Variants in CGGBP1 observed in about 807,000 individuals in gnomAD.
CGGBP1 encodes CGG triplet repeat binding protein 1.
Under a neutral mutation model 11.4 loss-of-function variants are expected in CGGBP1, and 4 were observed. The ratio of observed to expected loss-of-function variants is 0.35; its 90% CI spans 0.17 to 0.80. The LOEUF (loss-of-function observed/expected upper bound fraction) is 0.80, where lower values mean the gene tolerates loss of function less well. CGGBP1 is among the 30% of genes least tolerant of loss of function. CGGBP1 has a pLI of 0.52. For missense variants in CGGBP1, 135 were observed against 202.1 expected, an observed-to-expected ratio of 0.67 and a Z score of 2.01; for synonymous variants, 76 against 74.1, an observed-to-expected ratio of 1.03 and a Z score of -0.13.
At chr3:88,076,428 C>CT (rs1405677477) in intron 2 of CGGBP1, among the ~76,000 whole-genome samples, 1 of 151,928 alleles carries the variant, frequency 6.6e-6, no homozygotes, top group East Asian at 1.9e-4. Flanking sequence ...TCTCCTTTTT[C>CT]TTTTTTGATA....
At chr3:88,098,657 G>T (rs1321178961) in intron 2 of CGGBP1, among the ~76,000 whole-genome samples, 1 of 152,084 alleles carries the variant, frequency 6.6e-6, no homozygotes, top group Non-Finnish European at 1.5e-5. Flanking sequence ...TTCATCCCTG[G>T]GATGCAAGGC....
chr3:88,141,819 G>T, intron 1 of CGGBP1: 1 of 482,850 alleles, frequency 2.1e-6, no homozygotes, highest in Non-Finnish European at 3.6e-6. Context: ...TCACAGAGAT[G>T]TGCTGGCTTA....
chr3:88,107,097 CA>C lies in CGGBP1; in HGVS notation c.-229+33872del, dbSNP rs1704790346. On this transcript the variant is annotated intron_variant, in intron 2 of 3. Transcript: ENST00000462901. Reference sequence around the variant, plus strand: ...ATTTTGTAATGAAATTGTCTACCCCCAGAAAAACTTGAAGATACTTTTACTG... The same window carrying C: ...ATTTTGTAATGAAATTGTCTACCCCCGAAAAACTTGAAGATACTTTTACTG... Among the ~76,000 whole-genome samples, 4 of 152,296 alleles carry C rather than the reference CA, an allele frequency of 2.6e-5. No homozygotes were observed. In the South Asian group the frequency reaches 8.3e-4, roughly 32 times the overall value.
At chr3:88,079,490 C>T (rs1192719288) in intron 2 of CGGBP1, among the ~76,000 whole-genome samples, 4 of 151,966 alleles carry the variant, frequency 2.6e-5, no homozygotes, top group Admixed American at 2.0e-4. Context: ...ATGGATGTCA[C>T]ATCTATCTAT....
rs145193990 is a variant in CGGBP1 at position 88,137,349 on chromosome 3, T to A, written c.-229+3621A>T. Among the ~76,000 whole-genome samples the A allele has an allele frequency of 1.1e-3, 171 of 152,254 alleles. 1 individual carries two copies. The highest frequency in any genetic ancestry group is 7.5e-3 in the South Asian group (36 of 4,830). ...GACATTTAGAAATCAGTAGTTGGAA[T>A]TCAGAAAGGATTCCAAGTTGTAAAT... On this transcript the variant is annotated intron_variant, in intron 2 of 3. Transcript: ENST00000462901.
chr3:88,098,422 T>G (rs1450299015), intron 2 of CGGBP1, among the ~76,000 whole-genome samples: 6 of 152,204 alleles, frequency 3.9e-5, no homozygotes, highest in African/African-American at 1.4e-4. Context: ...GCTGGTATCA[T>G]TCGTTCTCAA....
intron 2 of CGGBP1, among the ~76,000 whole-genome samples, chr3:88,118,323 C>T (rs937454611): frequency 6.6e-6 from 1 of 151,886 alleles, no homozygotes; most frequent in African/African-American, 2.4e-5. Flanking sequence ...ATATCATGTC[C>T]CAAGCAGGAG....
At chr3:88,103,948 G>A (rs112624802) in intron 2 of CGGBP1, among the ~76,000 whole-genome samples, 1,998 of 151,742 alleles carry the variant, frequency 0.013, 37 homozygotes, top group African/African-American at 0.045. Context: ...TTTATTTTTA[G>A]ACGGGGTTTT....
At chr3:88,108,236 A>G (rs938564257) in intron 2 of CGGBP1, among the ~76,000 whole-genome samples, 3 of 152,104 alleles carry the variant, frequency 2.0e-5, no homozygotes, top group African/African-American at 7.2e-5. Context: ...CTTAGCTCCA[A>G]GTTCACACTG....
At chr3:88,140,121 T>C in intron 2 of CGGBP1, 1 of 1,613,902 alleles carries the variant, frequency 6.2e-7, no homozygotes, top group Non-Finnish European at 8.5e-7. Context: ...GTATTTTTGT[T>C]TGCATTTTAA....
chr3:88,069,505 G>T (rs1487338277), intron 2 of CGGBP1, among the ~76,000 whole-genome samples: 1 of 152,140 alleles, frequency 6.6e-6, no homozygotes, highest in African/African-American at 2.4e-5. Context: ...TAGTAACAAT[G>T]GCTCAGTTAT....
chr3:88,138,851 T>C lies in CGGBP1; in HGVS notation c.-229+2119A>G, dbSNP rs1224199463. 1.8e-5 allele frequency: 22 copies of C among 1,231,988 alleles called. 1 individual carries two copies. In the Admixed American group the frequency reaches 9.3e-4, roughly 52 times the overall value. 76.3% of individuals were successfully genotyped at this position (1,231,988 alleles called of 1,614,324 possible). ...ATGATTTGGAGATCCTCAGGATTTG[T>C]GCACTCTCAATATTTTTTCTGGAGC... On this transcript the variant is annotated intron_variant, in intron 2 of 3. Transcript: ENST00000462901.
intron 2 of CGGBP1, among the ~76,000 whole-genome samples, chr3:88,109,142 A>AGTGTGTGTGTGTGTGTGTGTGT (rs35595112): frequency 2.1e-5 from 3 of 142,530 alleles, no homozygotes; most frequent in African/African-American, 5.2e-5. Context: ...AGTGGGCACT[A>AGTGTGTGTGTGTGTGTGTGTGT]GTGTGTGTGT....
At chr3:88,095,676 T>C (rs1036560678) in intron 2 of CGGBP1, 42 of 464,498 alleles carry the variant, frequency 9.0e-5, no homozygotes, top group Non-Finnish European at 1.6e-4. Context: ...TTGGACTTGA[T>C]ACTGTCAGCA....
chr3:88,141,500 G>C, intron 1 of CGGBP1: 1 of 533,092 alleles, frequency 1.9e-6, no homozygotes, highest in South Asian at 7.8e-5. Context: ...AAATAATTGA[G>C]AAACAAAATC....
chr3:88,125,128 T>C (rs1263974110), intron 2 of CGGBP1, among the ~76,000 whole-genome samples: 2 of 151,446 alleles, frequency 1.3e-5, no homozygotes, highest in Admixed American at 1.3e-4. Context: ...GGCAGGAGAA[T>C]CGCTTGAACC....
chr3:88,138,647 T>TA (rs1385562152), intron 2 of CGGBP1: 1 of 1,020,650 alleles, frequency 9.8e-7, no homozygotes, highest in Non-Finnish European at 1.3e-6. Context: ...AAAGATAGAC[T>TA]AGTATAACCA....
chr3:88,148,041 T>C (rs1372148892), intron 1 of CGGBP1, among the ~76,000 whole-genome samples: 1 of 152,244 alleles, frequency 6.6e-6, no homozygotes, highest in Non-Finnish European at 1.5e-5. Context: ...TCCAGTCTCC[T>C]GGACTCCTTC....
intron 2 of CGGBP1, among the ~76,000 whole-genome samples, chr3:88,068,934 G>A (rs765054305): frequency 6.6e-6 from 1 of 152,036 alleles, no homozygotes; most frequent in Non-Finnish European, 1.5e-5. Flanking sequence ...CTAGGAATAA[G>A]CATTTGGTAT....
Sources: allele counts gnomAD v4.1 joint callset (sites outside exome capture counted in the v4.1 genomes callset), GRCh38; gene constraint gnomAD v4.1.1; transcripts MANE v1.5; gene names NCBI Gene and HGNC (gene_info 2026-07-23, HGNC 2026-07-21).